The following ZNF469 variants were observed in gnomAD, a reference collection of about 807,000 sequenced individuals.
ZNF469 encodes zinc finger protein 469.
ZNF469 carries 1 observed loss-of-function variant against 1.0 expected under a neutral mutation model. The ratio of observed to expected loss-of-function variants is 1.00; its 90% confidence interval spans 0.35 to 4.73. The LOEUF is 4.73. ZNF469 is among the 30% of genes most tolerant of loss of function. The pLI is 0.16. For synonymous variants in ZNF469, 2,703 were observed against 2,363.4 expected (o/e 1.14, Z -4.17); for missense variants, 6,100 against 5,356.3 (o/e 1.14, Z -4.33).
chr16:88,189,277 T>C, the ZNF469 span, among the ~76,000 whole-genome samples: 1 of 152,062 alleles, frequency 6.6e-6, no homozygotes, highest in Non-Finnish European at 1.5e-5. This position sits in a 1 kb window ranked among gnomAD's most constrained non-coding sequence, Gnocchi z 4.3. Context: ...GGGATAAGGA[T>C]GGTAATGCTT....
chr16:88,111,862 A>C, the ZNF469 span, among the ~76,000 whole-genome samples: 1 of 152,040 alleles, frequency 6.6e-6, no homozygotes, highest in South Asian at 2.1e-4. Context: ...GTCTCGATCT[A>C]CTGACCTTGT....
the ZNF469 span, among the ~76,000 whole-genome samples, chr16:88,216,267 G>A: frequency 5.7e-4 from 87 of 152,130 alleles, no homozygotes; most frequent in African/African-American, 1.6e-3. Flanking sequence ...AGGCCGAGGC[G>A]GGTGGATCAC....
the ZNF469 span, among the ~76,000 whole-genome samples, chr16:88,249,181 G>C: frequency 0.018 from 2,656 of 151,746 alleles, 70 homozygotes; most frequent in African/African-American, 0.061. Context: ...TCCTTTTATG[G>C]GTAAGATAAC....
At chr16:88,302,958 G>C in the ZNF469 span, among the ~76,000 whole-genome samples, 47 of 152,198 alleles carry the variant, frequency 3.1e-4, 1 homozygote, top group Admixed American at 2.0e-4. Context: ...GGAAGGGCGT[G>C]GAACTCAGCA....
At chr16:88,184,943 C>T in the ZNF469 span, among the ~76,000 whole-genome samples, 2 of 151,766 alleles carry the variant, frequency 1.3e-5, no homozygotes, top group African/African-American at 4.8e-5. Flanking sequence ...GACCCTCACA[C>T]TCATGTGAAC....
chr16:88,169,958 G>A, the ZNF469 span, among the ~76,000 whole-genome samples: 2 of 152,148 alleles, frequency 1.3e-5, no homozygotes, highest in South Asian at 2.1e-4. This position sits in a 1 kb window ranked among gnomAD's most constrained non-coding sequence, Gnocchi z 6.1. Flanking sequence ...GTGATGTTGC[G>A]TGCCTTACAT....
the ZNF469 span, among the ~76,000 whole-genome samples, chr16:88,158,471 C>A: frequency 1.3e-5 from 2 of 152,112 alleles, no homozygotes; most frequent in Non-Finnish European, 2.9e-5. Context: ...CTGGGGGCCT[C>A]GGACTCCGAC....
the ZNF469 span, among the ~76,000 whole-genome samples, chr16:88,170,921 G>T: frequency 1.3e-5 from 2 of 152,132 alleles, no homozygotes; most frequent in African/African-American, 4.8e-5. This position sits in a 1 kb window ranked among gnomAD's most constrained non-coding sequence, Gnocchi z 4.2. Flanking sequence ...CAGGGGTAGC[G>T]GGGGACAGCA....
the ZNF469 span, among the ~76,000 whole-genome samples, chr16:88,327,268 G>A: frequency 2.6e-5 from 4 of 152,052 alleles, no homozygotes; most frequent in Non-Finnish European, 5.9e-5. Context: ...GGTTCTCTGG[G>A]TCTGCCTCTC....
At chr16:88,103,867 T>A in the ZNF469 span, among the ~76,000 whole-genome samples, 1 of 143,346 alleles carries the variant, frequency 7.0e-6, no homozygotes, top group Non-Finnish European at 1.5e-5. Flanking sequence ...GGTGGAATGA[T>A]CCTCCATGGC....
the ZNF469 span, among the ~76,000 whole-genome samples, chr16:88,258,629 A>G: frequency 6.6e-6 from 1 of 151,582 alleles, no homozygotes; most frequent in Non-Finnish European, 1.5e-5. Context: ...TTTGGCACAG[A>G]CCCATGAGTT....
rs1399549377 is a variant in ZNF469, at chr16:88,433,908, G to T, written c.6438G>T (p.Leu2146=). 2 of 1,548,540 alleles carry T rather than the reference G, an allele frequency of 1.3e-6. No individual in the cohort carries two copies. The highest frequency in any genetic ancestry group is 1.7e-6 in the Non-Finnish European group (2 of 1,145,898). The change falls in exon 3 of 3, where the codon CTG becomes CTT. Residue 2146 remains leucine (L), a synonymous_variant. Transcript: ENST00000565624. ...LTSPSRAQGG[L]GGQLPASPSC... ...CGCCTTCCAGGGCCCAAGGTGGGCT[G>T]GGGGGGCAGCTGCCAGCATCTCCGT...
At chr16:88,400,523 GA>G (rs1272093749) in intron 1 of ZNF469, among the ~76,000 whole-genome samples, 1 of 152,184 alleles carries the variant, frequency 6.6e-6, no homozygotes, top group African/African-American at 2.4e-5. Flanking sequence ...CTGCTTTCCG[GA>G]ACCTCTAAGC....
At chr16:88,383,428 C>T (rs996140757) in intron 1 of ZNF469, among the ~76,000 whole-genome samples, 174 bp downstream of exon 1, 6 of 148,288 alleles carry the variant, frequency 4.0e-5, no homozygotes, top group African/African-American at 7.3e-5. Flanking sequence ...GGCGCCCGGC[C>T]CGGCTCCCCC....
the ZNF469 span, among the ~76,000 whole-genome samples, chr16:88,285,687 G>A: frequency 4.7e-4 from 72 of 152,376 alleles, no homozygotes; most frequent in South Asian, 3.7e-3. Flanking sequence ...CAGGGCCTCC[G>A]TGGGGCCGGT....
the ZNF469 span, among the ~76,000 whole-genome samples, chr16:88,152,469 G>A: frequency 2.6e-5 from 4 of 152,118 alleles, no homozygotes; most frequent in Non-Finnish European, 5.9e-5. The surrounding 1 kb of genome is among the most constrained non-coding windows in gnomAD (Gnocchi z 4.2). Flanking sequence ...GGCTGCCCCC[G>A]CGGTCCCAGA....
chr16:88,164,076 G>T, the ZNF469 span, among the ~76,000 whole-genome samples: 1 of 151,158 alleles, frequency 6.6e-6, no homozygotes, highest in Non-Finnish European at 1.5e-5. Flanking sequence ...TGGATGGGTT[G>T]GTGGGTGGGT....
the ZNF469 span, among the ~76,000 whole-genome samples, chr16:88,192,721 A>G: frequency 6.6e-6 from 1 of 151,848 alleles, no homozygotes. Flanking sequence ...AATGGTGGTG[A>G]TGATGGTGTT....
chr16:88,373,230 G>A, the ZNF469 span, among the ~76,000 whole-genome samples: 1 of 152,238 alleles, frequency 6.6e-6, no homozygotes. Flanking sequence ...ACTGGCAACT[G>A]ACAGGGCTCC....
Sources: gnomAD v4.1 joint callset for allele counts (sites outside exome capture counted in the v4.1 genomes callset) on GRCh38, gnomAD v4.1.1 for gene constraint, Gnocchi (gnomAD v3.1) non-coding constraint, MANE v1.5 for transcripts, NCBI Gene and HGNC (gene_info 2026-07-23, HGNC 2026-07-21) for gene names.